Variants in SPATA13 observed in about 807,000 individuals in gnomAD.
SPATA13 encodes the protein spermatogenesis associated 13.
Under a neutral mutation model 104.0 loss-of-function variants are expected in SPATA13, and 50 were observed. The ratio of observed to expected loss-of-function variants is 0.48; its 90% confidence interval spans 0.38 to 0.61. SPATA13 has a LOEUF of 0.61. SPATA13 is among the 20% of genes least tolerant of loss of function. The pLI is 0.00. For synonymous variants in SPATA13, 606 were observed against 667.5 expected (o/e 0.91, Z 1.42); for missense variants, 1,524 against 1,690.6 (o/e 0.90, Z 1.73).
chr13:24,196,229 C>G (rs772106310), intron 1 of SPATA13, among the ~76,000 whole-genome samples: 4 of 152,100 alleles, frequency 2.6e-5, no homozygotes, highest in Non-Finnish European at 4.4e-5. Context: ...GTAAAGCCCT[C>G]ATAATGATGG....
At chr13:24,002,530 C>T (rs1876026791) in intron 2 of SPATA13, among the ~76,000 whole-genome samples, 1 of 152,146 alleles carries the variant, frequency 6.6e-6, no homozygotes, top group South Asian at 2.1e-4. Flanking sequence ...CCAGATCGGC[C>T]TCAGTGGCCT....
At chr13:24,151,848 T>C (rs1381682322) in intron 3 of SPATA13, among the ~76,000 whole-genome samples, 1 of 152,246 alleles carries the variant, frequency 6.6e-6, no homozygotes, top group African/African-American at 2.4e-5. Context: ...TTTTACCAGC[T>C]GCATAGTCTT....
intron 1 of SPATA13, among the ~76,000 whole-genome samples, chr13:24,213,034 C>T (rs1438167378): frequency 6.6e-6 from 1 of 152,238 alleles, no homozygotes; most frequent in Non-Finnish European, 1.5e-5. Flanking sequence ...AGTGATGACA[C>T]CTGTGTGCTG....
chr13:24,021,654 G>T (rs1033379748), intron 3 of SPATA13, among the ~76,000 whole-genome samples: 15 of 152,106 alleles, frequency 9.9e-5, no homozygotes, highest in Non-Finnish European at 2.9e-5. Flanking sequence ...TATACGCCGT[G>T]CATTGGGCAT....
chr13:24,243,081 C>T (rs1390542847), intron 2 of SPATA13, among the ~76,000 whole-genome samples: 3 of 152,126 alleles, frequency 2.0e-5, no homozygotes, highest in Admixed American at 6.5e-5. Context: ...TTATCTAACC[C>T]GGGAGTTTTA....
chr13:24,078,020 A>G (rs1320765476), intron 3 of SPATA13, among the ~76,000 whole-genome samples: 1 of 151,750 alleles, frequency 6.6e-6, no homozygotes, highest in Admixed American at 6.6e-5. Flanking sequence ...CCCCACACTA[A>G]CTTTGCAAAC....
intron 3 of SPATA13, among the ~76,000 whole-genome samples, chr13:24,087,411 TC>T (rs1218653686): frequency 6.6e-6 from 1 of 152,206 alleles, no homozygotes; most frequent in Non-Finnish European, 1.5e-5. Context: ...CACTTATGTT[TC>T]CTTTTAGTCG....
rs932149586 is a variant in SPATA13 at position 24,086,037 on chromosome 13, A to T, written c.-112+68336A>T. ...TCTGGGTTAGAGGACATCTGTTGCC[A>T]AGGTGAGTAGCAGAGAAGTTTCACT... On this transcript the variant is annotated intron_variant, in intron 3 of 14. Coordinates refer to the SPATA13 transcript ENST00000424834. Among the ~76,000 whole-genome samples the T allele has an allele frequency of 3.5e-5, 5 of 141,636 alleles. No individual in the cohort carries two copies. In the East Asian group the frequency reaches 1.1e-3, roughly 32 times the overall value. 92.9% of individuals were successfully genotyped at this position (141,636 alleles called of 152,430 possible). A position where few individuals can be genotyped will look rare whatever the true frequency, so the allele number is the denominator to read the frequency against.
At chr13:24,115,537 T>C (rs148887774) in intron 3 of SPATA13, among the ~76,000 whole-genome samples, 3 of 152,358 alleles carry the variant, frequency 2.0e-5, no homozygotes, top group Non-Finnish European at 4.4e-5. Flanking sequence ...TGCCTGATGA[T>C]TTGAGGTGGA....
chr13:24,013,984 C>G (rs7350652), intron 2 of SPATA13, among the ~76,000 whole-genome samples: 1 of 152,150 alleles, frequency 6.6e-6, no homozygotes, highest in Non-Finnish European at 1.5e-5. Context: ...CTGGAGTGTG[C>G]TAGAGTCAGA....
rs754470685 is a variant in SPATA13 at position 24,224,497 on chromosome 13, A to C, written c.1568A>C (p.Glu523Ala). ...CCTGTGTCCTTGCAGGATCCCCTGG[A>C]AGCCACACATGGTGATGAGGGCAGC... The part of the protein sequence containing the change: ...PGPVSLQDPL[E>A]ATHGDEGSKD... Residue 523 changes from glutamate to alanine, a missense_variant, in exon 2 of 13, where the codon GAA becomes GCA. Glu to Ala is a moderately radical substitution (Grantham distance 107). Coordinates refer to ENST00000382108, the MANE Select transcript of SPATA13 (RefSeq NM_001166271.3). 6.5e-7 allele frequency: 1 copy of C among 1,550,306 alleles called. No individual in the cohort carries two copies. Among genetic ancestry groups the C allele is most frequent in the Non-Finnish European group, 8.7e-7 (1 of 1,146,994 alleles).
intron 2 of SPATA13, among the ~76,000 whole-genome samples, chr13:23,999,453 A>G (rs184145459): frequency 6.7e-6 from 1 of 149,220 alleles, no homozygotes; most frequent in African/African-American, 2.5e-5. Context: ...GATTTGGCAT[A>G]TTAACAATAT....
rs555920367 is a variant in SPATA13 at position 24,239,171 on chromosome 13, G to A, written c.1654-10306G>A. Among the ~76,000 whole-genome samples the A allele has an allele frequency of 3.3e-5, 5 of 152,320 alleles. No individual in the cohort carries two copies. The South Asian group carries it at 6.2e-4, about 19-fold the overall frequency. On this transcript the variant is annotated intron_variant, in intron 2 of 12. Coordinates refer to ENST00000382108, the MANE Select transcript of SPATA13 (RefSeq NM_001166271.3). Reference sequence around the variant, plus strand: ...AGTAAAACACTTTCAGAATAGGATTGTTGATCATGGGGGAAGGGAAATTGC... The same window carrying A: ...AGTAAAACACTTTCAGAATAGGATTATTGATCATGGGGGAAGGGAAATTGC...
In SPATA13 at chr13:24,239,693, T is replaced by TAAAAAAAAAAA. The variant is rs55881452; in HGVS notation, c.1654-9768_1654-9758dup. Among the ~76,000 whole-genome samples, 33 of 46,940 alleles carry TAAAAAAAAAAA rather than the reference T, an allele frequency of 7.0e-4. 2 individuals are homozygous for TAAAAAAAAAAA. The highest frequency in any genetic ancestry group is 3.3e-3 in the South Asian group (2 of 608). 30.8% of individuals were successfully genotyped at this position (46,940 alleles called of 152,430 possible). A position where few individuals can be genotyped will look rare whatever the true frequency, so the allele number is the denominator to read the frequency against. ...CTGGGTGTCGGATAGAGACCATATC[T>TAAAAAAAAAAA]AAAAAAAAAAAAAAAAAAAAAAAAA... On this transcript the variant is annotated intron_variant, in intron 2 of 12. Coordinates refer to ENST00000382108, the MANE Select transcript of SPATA13 (RefSeq NM_001166271.3).
chr13:24,211,646 G>T (rs1044424601), intron 1 of SPATA13, among the ~76,000 whole-genome samples: 30 of 152,056 alleles, frequency 2.0e-4, no homozygotes, highest in African/African-American at 7.0e-4. Flanking sequence ...TCTCCATGTT[G>T]TCCAGCTGGT....
chr13:24,016,174 G>T (rs555895376), intron 2 of SPATA13, among the ~76,000 whole-genome samples: 10 of 152,290 alleles, frequency 6.6e-5, no homozygotes, highest in African/African-American at 2.2e-4. Flanking sequence ...TGTGTTTGTG[G>T]CTTGTCCTTC....
intron 2 of SPATA13, among the ~76,000 whole-genome samples, chr13:24,232,638 G>A (rs1872345218): frequency 6.6e-6 from 1 of 152,106 alleles, no homozygotes; most frequent in Non-Finnish European, 1.5e-5. Flanking sequence ...ACCTCCCAAG[G>A]TCAAGCAATC....
At chr13:24,224,802 C>A in intron 2 of SPATA13, 1 of 632,338 alleles carries the variant, frequency 1.6e-6, no homozygotes, top group Non-Finnish European at 2.9e-6. Context: ...GTACGAGATT[C>A]ATTGAGATGA....
chr13:24,114,438 CA>C (rs1395660333), intron 3 of SPATA13, among the ~76,000 whole-genome samples: 5 of 134,118 alleles, frequency 3.7e-5, no homozygotes, highest in African/African-American at 1.3e-4. Flanking sequence ...CTTACCACAG[CA>C]GACTACTTGG....
Sources: allele counts gnomAD v4.1 joint callset (sites outside exome capture counted in the v4.1 genomes callset), GRCh38; gene constraint gnomAD v4.1.1; transcripts MANE v1.5; gene names NCBI Gene and HGNC (gene_info 2026-07-23, HGNC 2026-07-21).